The following L3MBTL4 variants were observed in gnomAD, a reference collection of about 807,000 sequenced individuals.
The protein encoded by L3MBTL4 is L3MBTL histone methyl-lysine binding protein 4.
L3MBTL4 carries 70 observed loss-of-function variants against 84.5 expected under a neutral mutation model. The observed-to-expected ratio is 0.83, with a 90% CI of 0.68 to 1.01. L3MBTL4 has a LOEUF of 1.01. Among genes scored for constraint, L3MBTL4 ranks in the 50% least tolerant of loss-of-function variants. The pLI, the probability that L3MBTL4 is intolerant of heterozygous loss-of-function variation, is 0.00. For missense variants in L3MBTL4, 715 were observed against 754.8 expected (o/e 0.95, Z 0.62); for synonymous variants, 274 against 259.8 (o/e 1.05, Z -0.52).
chr18:6,070,605 C>T (rs2057554858), intron 16 of L3MBTL4, among the ~76,000 whole-genome samples: 1 of 151,214 alleles, frequency 6.6e-6, no homozygotes, highest in Admixed American at 6.6e-5. Flanking sequence ...TTGTTTGAAC[C>T]CAGGAGTTTG....
intron 14 of L3MBTL4, among the ~76,000 whole-genome samples, chr18:6,136,339 C>G (rs764988230): frequency 6.6e-6 from 1 of 152,140 alleles, no homozygotes; most frequent in Non-Finnish European, 1.5e-5. Flanking sequence ...GGTCTGGAGG[C>G]AGGGAACCTA....
intron 4 of L3MBTL4, among the ~76,000 whole-genome samples, chr18:6,299,824 C>G (rs1164111068): frequency 6.6e-6 from 1 of 152,064 alleles, no homozygotes. Context: ...TGCACACCAC[C>G]AGACCCGGCT....
intron 15 of L3MBTL4, among the ~76,000 whole-genome samples, chr18:6,087,512 T>C (rs2058296607): frequency 6.6e-6 from 1 of 152,092 alleles, no homozygotes; most frequent in African/African-American, 2.4e-5. Context: ...GGTGGGGAGC[T>C]GGAGGGGGGC....
intron 16 of L3MBTL4, among the ~76,000 whole-genome samples, chr18:6,002,679 A>G (rs546864): frequency 0.14 from 21,172 of 151,978 alleles, 2,544 homozygotes; most frequent in African/African-American, 0.28. Context: ...CAAAGAAAAT[A>G]AGTACAGAGT....
intron 15 of L3MBTL4, among the ~76,000 whole-genome samples, chr18:6,085,360 T>C (rs1193984988): frequency 1.3e-5 from 2 of 152,202 alleles, no homozygotes; most frequent in Non-Finnish European, 2.9e-5. Flanking sequence ...GACATATTGT[T>C]AAATGAAATA....
intron 5 of L3MBTL4, chr18:6,260,168 TA>T: frequency 6.6e-6 from 1 of 152,356 alleles, no homozygotes; most frequent in South Asian, 2.1e-4. Context: ...TTTGTACCAG[TA>T]CCATGCTGTT....
At chr18:5,965,569 C>T (rs1474037076) in intron 17 of L3MBTL4, among the ~76,000 whole-genome samples, 1 of 152,162 alleles carries the variant, frequency 6.6e-6, no homozygotes, top group Non-Finnish European at 1.5e-5. Context: ...CTGCCCTGCT[C>T]GTCATTTTTA....
intron 1 of L3MBTL4, among the ~76,000 whole-genome samples, chr18:6,348,648 C>T (rs1321241058): frequency 6.6e-6 from 1 of 151,934 alleles, no homozygotes; most frequent in Non-Finnish European, 1.5e-5. Context: ...CCTTAGGTAA[C>T]AATTACTTGA....
intron 16 of L3MBTL4, among the ~76,000 whole-genome samples, chr18:5,975,608 C>G (rs1488501149): frequency 6.6e-6 from 1 of 152,214 alleles, no homozygotes; most frequent in Non-Finnish European, 1.5e-5. Context: ...TTGAAGCTAT[C>G]ATTTCTCAGC....
chr18:6,299,674 A>T (rs2050247548), intron 4 of L3MBTL4, among the ~76,000 whole-genome samples: 1 of 144,960 alleles, frequency 6.9e-6, no homozygotes, highest in South Asian at 2.2e-4. Flanking sequence ...TGCAATATAG[A>T]TATATTTTTT....
chr18:6,202,150 C>T (rs2045675445), intron 12 of L3MBTL4, among the ~76,000 whole-genome samples: 1 of 152,208 alleles, frequency 6.6e-6, no homozygotes, highest in Non-Finnish European at 1.5e-5. Flanking sequence ...CTTTTCTGCA[C>T]ATCACTTTCC....
In L3MBTL4 at chr18:5,955,107, AG is replaced by A. The variant is rs1272043099; in HGVS notation, c.*1112del. The stretch of plus-strand genomic sequence containing the variant: ...ATTTGTAGCTGTTACTACCTGTAAA[AG>A]TAGTAAGAAGTGTCAGAAAAGAGGT... On this transcript the variant is annotated 3_prime_UTR_variant, in exon 19 of 19. Coordinates refer to ENST00000317931, the MANE Select transcript of L3MBTL4 (RefSeq NM_001330559.2). 3 of 152,200 alleles carry A rather than the reference AG, an allele frequency of 2.0e-5. No individual in the cohort carries two copies. The highest frequency in any genetic ancestry group is 7.2e-5 in the African/African-American group (3 of 41,446). The allele number at this position is 152,200 out of a possible 1,614,324, so 9.4% of individuals were successfully genotyped here. A position where few individuals can be genotyped will look rare whatever the true frequency, so the allele number is the denominator to read the frequency against.
At chr18:6,139,712 C>T (rs113436386) in intron 13 of L3MBTL4, among the ~76,000 whole-genome samples, 2,070 of 152,202 alleles carry the variant, frequency 0.014, 49 homozygotes, top group African/African-American at 0.047. Context: ...CATTTCCCAG[C>T]CCTGGTTTCA....
At chr18:6,277,358 G>T (rs1463069429) in intron 4 of L3MBTL4, among the ~76,000 whole-genome samples, 1 of 152,046 alleles carries the variant, frequency 6.6e-6, no homozygotes, top group African/African-American at 2.4e-5. Flanking sequence ...ACGGAAAAAG[G>T]CCACTTGGGC....
chr18:6,107,490 G>A (rs533413813), intron 14 of L3MBTL4, among the ~76,000 whole-genome samples: 5 of 152,290 alleles, frequency 3.3e-5, no homozygotes, highest in Admixed American at 3.3e-4. Flanking sequence ...GGCGGTCTGG[G>A]TAAGTGGCTG....
chr18:6,037,218 T>C (rs2056184106), intron 16 of L3MBTL4, among the ~76,000 whole-genome samples: 1 of 152,236 alleles, frequency 6.6e-6, no homozygotes, highest in Admixed American at 6.5e-5. Context: ...CAGGAACGCA[T>C]GCATACCTGC....
chr18:6,205,000 C>T (rs954398962), intron 12 of L3MBTL4, among the ~76,000 whole-genome samples: 1 of 152,218 alleles, frequency 6.6e-6, no homozygotes, highest in Non-Finnish European at 1.5e-5. Context: ...TTGCATAAGG[C>T]AGAATAATAG....
intron 1 of L3MBTL4, among the ~76,000 whole-genome samples, chr18:6,329,038 A>G (rs2051874517): frequency 6.6e-6 from 1 of 152,204 alleles, no homozygotes; most frequent in African/African-American, 2.4e-5. Context: ...CAAGAAACAG[A>G]ACATGTGAAT....
chr18:6,100,915 T>A (rs896161920), intron 14 of L3MBTL4, among the ~76,000 whole-genome samples: 1 of 152,212 alleles, frequency 6.6e-6, no homozygotes, highest in African/African-American at 2.4e-5. Context: ...CCATGTGATC[T>A]CCACTGATGC....
Sources: allele counts gnomAD v4.1 joint callset (sites outside exome capture counted in the v4.1 genomes callset), GRCh38; gene constraint gnomAD v4.1.1; transcripts MANE v1.5; gene names NCBI Gene and HGNC (gene_info 2026-07-23, HGNC 2026-07-21).